Variants in SOX5 observed in about 807,000 individuals in gnomAD.
The protein encoded by SOX5 is transcription factor SOX-5.
In SOX5, 9 loss-of-function variants were observed where a neutral mutation model predicts 92.0. The observed-to-expected ratio is 0.10, with a 90% CI of 0.06 to 0.17. The LOEUF is 0.17. Among genes scored for constraint, SOX5 ranks in the 10% least tolerant of loss-of-function variants. SOX5 has a pLI of 1.00. For synonymous variants in SOX5, 344 were observed against 336.3 expected (o/e 1.02, Z -0.25); for missense variants, 642 against 944.5 (o/e 0.68, Z 4.20).
At chr12:24,236,238 G>A (rs1245787244) in intron 3 of SOX5, among the ~76,000 whole-genome samples, 1 of 151,908 alleles carries the variant, frequency 6.6e-6, no homozygotes, top group Admixed American at 6.6e-5. Flanking sequence ...ATAAAATAAA[G>A]AAGTAACAGT....
At chr12:24,492,602 G>A (rs771945259) in intron 1 of SOX5, among the ~76,000 whole-genome samples, 2 of 152,124 alleles carry the variant, frequency 1.3e-5, no homozygotes, top group Admixed American at 6.5e-5. Flanking sequence ...AGTATTAATA[G>A]AAACAGAGAC....
chr12:24,275,390 T>A (rs1478796175), intron 3 of SOX5, among the ~76,000 whole-genome samples: 1 of 152,116 alleles, frequency 6.6e-6, no homozygotes, highest in African/African-American at 2.4e-5. Context: ...CTTGGAAACA[T>A]AGTATATCTT....
intron 3 of SOX5, among the ~76,000 whole-genome samples, chr12:23,812,669 CA>C (rs1052963698): frequency 6.6e-6 from 1 of 152,104 alleles, no homozygotes; most frequent in African/African-American, 2.4e-5. Context: ...ATACCTGCAT[CA>C]GGGGCAGGGA....
chr12:24,136,247 G>A lies in SOX5; in HGVS notation c.-2+77096C>T, dbSNP rs1383527795. On this transcript the variant is annotated intron_variant, in intron 4 of 4. Transcript: ENST00000446891. ...ACCAGAAGGCCCAGAGAGTCCTCAA[G>A]GGATGCTGAGAAATCCTAAGGGGAG... Among the ~76,000 whole-genome samples the A allele has an allele frequency of 4.6e-5, 7 of 152,360 alleles. No individual in the cohort carries two copies. In the South Asian group the frequency reaches 1.4e-3, roughly 32 times the overall value.
chr12:23,948,588 G>A (rs928133941), intron 1 of SOX5, among the ~76,000 whole-genome samples: 2 of 151,216 alleles, frequency 1.3e-5, no homozygotes, highest in African/African-American at 2.4e-5. Context: ...CATGCATCCT[G>A]GCTTTTTTTA....
chr12:24,087,637 T>C lies in SOX5; in HGVS notation c.-2+125706A>G, dbSNP rs1011758075. ...GAAAAGGAATTGTGAACGTGGTATATTGAGAATGCAATGACCTTCAAATTA... is the reference window on the plus strand; with the variant it reads ...GAAAAGGAATTGTGAACGTGGTATACTGAGAATGCAATGACCTTCAAATTA... On this transcript the variant is annotated intron_variant, in intron 4 of 4. Coordinates refer to the SOX5 transcript ENST00000446891. Among the ~76,000 whole-genome samples the C allele has an allele frequency of 2.6e-5, 4 of 152,240 alleles. No homozygotes were observed. The East Asian group carries it at 5.8e-4, about 22-fold the overall frequency.
intron 2 of SOX5, among the ~76,000 whole-genome samples, chr12:24,357,840 C>CAA (rs566913275): frequency 0.2 from 21,195 of 104,846 alleles, 2,022 homozygotes; most frequent in East Asian, 0.48. Context: ...GACTCCATCT[C>CAA]AAAAAAAAAA....
At chr12:23,655,983 T>G (rs187769155) in intron 7 of SOX5, among the ~76,000 whole-genome samples, 1 of 151,474 alleles carries the variant, frequency 6.6e-6, no homozygotes, top group Non-Finnish European at 1.5e-5. Context: ...ATTTATACAA[T>G]AATTTGACTT....
At chr12:23,724,289 C>T (rs1257710067) in intron 6 of SOX5, among the ~76,000 whole-genome samples, 1 of 152,106 alleles carries the variant, frequency 6.6e-6, no homozygotes, top group Non-Finnish European at 1.5e-5. Flanking sequence ...CGCATACACA[C>T]ACACATACAC....
chr12:24,398,443 A>G (rs1960627841), intron 1 of SOX5, among the ~76,000 whole-genome samples: 1 of 152,170 alleles, frequency 6.6e-6, no homozygotes, highest in Non-Finnish European at 1.5e-5. Context: ...GGCTGAGGCT[A>G]CAGTGAGCCA....
At chr12:24,336,859 G>T (rs1470403790) in intron 2 of SOX5, among the ~76,000 whole-genome samples, 1 of 152,184 alleles carries the variant, frequency 6.6e-6, no homozygotes, top group East Asian at 1.9e-4. Context: ...ATTGAGCCGG[G>T]GATGCAGGTG....
intron 3 of SOX5, among the ~76,000 whole-genome samples, chr12:24,223,670 G>A (rs926213704): frequency 5.9e-5 from 9 of 152,126 alleles, no homozygotes; most frequent in African/African-American, 1.7e-4. Flanking sequence ...TGGGAGGATC[G>A]CTTGAGCCCA....
intron 4 of SOX5, among the ~76,000 whole-genome samples, chr12:24,029,622 C>T (rs992003257): frequency 6.6e-6 from 1 of 151,868 alleles, no homozygotes; most frequent in Non-Finnish European, 1.5e-5. Context: ...TTTTGCCTGA[C>T]AAGTGAATAC....
intron 4 of SOX5, among the ~76,000 whole-genome samples, chr12:24,031,954 T>G (rs1249776789): frequency 2.6e-5 from 4 of 152,002 alleles, no homozygotes; most frequent in Admixed American, 2.0e-4. Context: ...ATAGATGTTT[T>G]ACAAGGATTA....
intron 1 of SOX5, among the ~76,000 whole-genome samples, chr12:23,938,659 C>T (rs1943074031): frequency 6.6e-6 from 1 of 150,812 alleles, no homozygotes; most frequent in Admixed American, 6.6e-5. Context: ...TATACTGATA[C>T]TTGCAAAAAT....
intron 4 of SOX5, among the ~76,000 whole-genome samples, chr12:24,088,347 G>A (rs1213601197): frequency 6.6e-6 from 1 of 151,956 alleles, no homozygotes; most frequent in Non-Finnish European, 1.5e-5. Context: ...TTTACATAGT[G>A]TAGCAAAAGT....
intron 3 of SOX5, among the ~76,000 whole-genome samples, chr12:23,839,953 C>G (rs968633139): frequency 1.4e-5 from 2 of 145,890 alleles, no homozygotes; most frequent in African/African-American, 5.1e-5. Context: ...CTTACTTACT[C>G]AGCATTGTAC....
chr12:24,515,093 A>G (rs927095103), intron 1 of SOX5, among the ~76,000 whole-genome samples: 2 of 152,248 alleles, frequency 1.3e-5, no homozygotes, highest in African/African-American at 4.8e-5. Flanking sequence ...AAGATAATGC[A>G]TAGCTGTGTC....
At chr12:24,449,284 T>C (rs1185820251) in intron 1 of SOX5, among the ~76,000 whole-genome samples, 1 of 152,184 alleles carries the variant, frequency 6.6e-6, no homozygotes, top group Non-Finnish European at 1.5e-5. Context: ...CTCTCCAAAC[T>C]CTTCTTACTA....
Sources: allele counts gnomAD v4.1 joint callset (sites outside exome capture counted in the v4.1 genomes callset), GRCh38; gene constraint gnomAD v4.1.1; transcripts MANE v1.5; gene names NCBI Gene and HGNC (gene_info 2026-07-23, HGNC 2026-07-21).